LYSMD2: variants seen among roughly 807,000 people sequenced by gnomAD.
LYSMD2 encodes lysM and putative peptidoglycan-binding domain-containing protein 2.
A neutral mutation model predicts 17.7 loss-of-function variants in LYSMD2; 6 were observed. That is an observed-to-expected ratio of 0.34 (90% CI 0.19 to 0.67). LYSMD2 has a LOEUF of 0.67. LYSMD2 is among the 30% of genes least tolerant of loss of function. The pLI is 0.69. For missense variants in LYSMD2, 237 were observed against 286.7 expected (o/e 0.83, Z 1.25); for synonymous variants, 102 against 129.8 (o/e 0.79, Z 1.45).
At chr15:51,725,144 C>T (rs1417887296) in intron 1 of LYSMD2, 23 bp from the exon 2 acceptor site, 2 of 1,457,138 alleles carry the variant, frequency 1.4e-6, no homozygotes, top group Non-Finnish European at 1.9e-6. Flanking sequence ...AAAGGAGACA[C>T]AGAATTACAT....
chr15:51,724,389 G>A lies in LYSMD2; in HGVS notation c.605+401C>T, dbSNP rs192959642. The stretch of plus-strand genomic sequence containing the variant: ...CTATGACACTACTTCTCTTGAAAGT[G>A]TCAGTGAGAGAGACACTTTTATTTT... On this transcript the variant is annotated intron_variant, in intron 2 of 2. Coordinates refer to ENST00000267838, the MANE Select transcript of LYSMD2 (RefSeq NM_153374.3). 2.0e-5 allele frequency among the ~76,000 whole-genome samples: 3 copies of A among 152,316 alleles called. No individual in the cohort carries two copies. In the East Asian group the frequency reaches 5.8e-4, roughly 29 times the overall value.
chr15:51,735,927 C>A (rs1450426228), intron 1 of LYSMD2, among the ~76,000 whole-genome samples: 1 of 152,172 alleles, frequency 6.6e-6, no homozygotes, highest in African/African-American at 2.4e-5. Context: ...AGACTGTCCT[C>A]CTTCAGTAGC....
upstream of LYSMD2, among the ~76,000 whole-genome samples, chr15:51,742,164 A>G (rs1188230602): frequency 6.6e-6 from 1 of 151,790 alleles, no homozygotes; most frequent in African/African-American, 2.4e-5. Context: ...CCTCCCAAGT[A>G]GCTGCACCAA....
At chr15:51,739,683 C>G (rs2055633592), upstream of LYSMD2, among the ~76,000 whole-genome samples, 1 of 152,116 alleles carries the variant, frequency 6.6e-6, no homozygotes, top group Non-Finnish European at 1.5e-5. Flanking sequence ...CATTCCAGCA[C>G]TTTGGGAGTC....
upstream of LYSMD2, among the ~76,000 whole-genome samples, chr15:51,738,737 G>C (rs1157634686): frequency 2.6e-5 from 4 of 152,166 alleles, no homozygotes; most frequent in African/African-American, 9.7e-5. Context: ...GTGCTGGACA[G>C]AGGCAAAGCT....
chr15:51,725,082 C>A lies in LYSMD2; in HGVS notation c.313G>T (p.Asp105Tyr). The A allele has an allele frequency of 6.2e-7, 1 of 1,610,780 alleles. No individual in the cohort carries two copies. The highest frequency in any genetic ancestry group is 1.1e-5 in the South Asian group (1 of 90,824). ...AAAGTTTTCTTCAGAAATATACAAT[C>A]ATTGGTAAACAGTTTATTGGCCCTT... ...IKRANKLFTN[D>Y]CIFLKKTLNI... The change falls in exon 2 of 3, where the codon GAT becomes TAT. Residue 105 changes from aspartate (D) to tyrosine (Y), a missense_variant. Coordinates refer to ENST00000267838, the MANE Select transcript of LYSMD2 (RefSeq NM_153374.3).
At chr15:51,727,990 G>T (rs2055550888) in intron 1 of LYSMD2, among the ~76,000 whole-genome samples, 1 of 152,166 alleles carries the variant, frequency 6.6e-6, no homozygotes, top group African/African-American at 2.4e-5. Flanking sequence ...AGAAGCATGG[G>T]TTCAGGGGCC....
intron 1 of LYSMD2, among the ~76,000 whole-genome samples, chr15:51,748,722 C>T (rs2055681719): frequency 6.6e-6 from 1 of 152,232 alleles, no homozygotes; most frequent in South Asian, 2.1e-4. Context: ...CACTCCTAAA[C>T]TCTTACAGGC....
intron 1 of LYSMD2, among the ~76,000 whole-genome samples, chr15:51,745,717 G>A (rs1340839974): frequency 6.6e-6 from 1 of 152,094 alleles, no homozygotes; most frequent in Non-Finnish European, 1.5e-5. Flanking sequence ...TAAGGCACTT[G>A]TGTCTAGAAC....
rs570013555 is a variant in LYSMD2 at position 51,737,076 on chromosome 15, G to A, written c.273+274C>T. On this transcript the variant is annotated intron_variant, in intron 1 of 2. Coordinates refer to ENST00000267838, the MANE Select transcript of LYSMD2 (RefSeq NM_153374.3). This position sits in a 1 kb window ranked among gnomAD's most constrained non-coding sequence, Gnocchi z 4.2. ...CAGATCTAGTCTGAGCCTGGGCGGGGCACCGGGAACTCGATGCAGCTACCT... is the reference window on the plus strand; with the variant it reads ...CAGATCTAGTCTGAGCCTGGGCGGGACACCGGGAACTCGATGCAGCTACCT... 2.0e-5 allele frequency among the ~76,000 whole-genome samples: 3 copies of A among 152,336 alleles called. No individual in the cohort carries two copies. The highest frequency in any genetic ancestry group is 7.2e-5 in the African/African-American group (3 of 41,588).
At chr15:51,738,318 T>A (rs1487788705), upstream of LYSMD2, among the ~76,000 whole-genome samples, 1 of 152,144 alleles carries the variant, frequency 6.6e-6, no homozygotes, top group Non-Finnish European at 1.5e-5. Context: ...CCCCCCTAGT[T>A]GTTCGGGTTT....
chr15:51,727,188 C>G (rs923516972), intron 1 of LYSMD2, among the ~76,000 whole-genome samples: 1 of 152,192 alleles, frequency 6.6e-6, no homozygotes, highest in Non-Finnish European at 1.5e-5. Context: ...CCACTCTCCC[C>G]TCCCAATCCA....
chr15:51,741,375 A>T (rs2055641885), upstream of LYSMD2, among the ~76,000 whole-genome samples: 1 of 152,248 alleles, frequency 6.6e-6, no homozygotes, highest in Admixed American at 6.5e-5. Flanking sequence ...TTGATTAAAG[A>T]CATAATTGGG....
At position 51,750,304 on chromosome 15, in the gene LYSMD2, A is replaced by AGT. The variant is rs533686866; in HGVS notation, c.-1+965_-1+966dup. ...GAAAGTATTTTCATAAATGCAAACC[A>AGT]GTGTTATCATTTTCAGATGTGGAAT... On this transcript the variant is annotated intron_variant, in intron 1 of 2. Transcript: ENST00000454181. Among the ~76,000 whole-genome samples the AGT allele has an allele frequency of 8.5e-5, 13 of 152,368 alleles. No homozygotes were observed. In the East Asian group the frequency reaches 2.5e-3, roughly 29 times the overall value.
At chr15:51,737,697 G>T, upstream of LYSMD2, 1 of 1,065,506 alleles carries the variant, frequency 9.4e-7, no homozygotes, top group Non-Finnish European at 1.2e-6. This position sits in a 1 kb window ranked among gnomAD's most constrained non-coding sequence, Gnocchi z 4.2. Context: ...CGCCGCCGCC[G>T]CCTCTTCCTC....
At chr15:51,749,580 G>A (rs182277914) in intron 1 of LYSMD2, among the ~76,000 whole-genome samples, 84 of 152,274 alleles carry the variant, frequency 5.5e-4, no homozygotes, top group African/African-American at 2.0e-3. Flanking sequence ...GCAGAACCAC[G>A]GGAAACCAAA....
intron 1 of LYSMD2, among the ~76,000 whole-genome samples, chr15:51,743,070 T>C (rs569006642): frequency 5.9e-5 from 9 of 152,234 alleles, no homozygotes; most frequent in South Asian, 2.1e-4. Flanking sequence ...ACCTAGATAT[T>C]CTATGTTATT....
intron 2 of LYSMD2, among the ~76,000 whole-genome samples, chr15:51,724,274 CAT>C (rs1326428429): frequency 6.6e-6 from 1 of 152,134 alleles, no homozygotes; most frequent in African/African-American, 2.4e-5. Context: ...AAAAAGTTCA[CAT>C]GAGATCTTAT....
chr15:51,733,773 T>C (rs1259941979), intron 1 of LYSMD2, among the ~76,000 whole-genome samples: 1 of 152,182 alleles, frequency 6.6e-6, no homozygotes, highest in East Asian at 1.9e-4. Flanking sequence ...GCAGGTCACA[T>C]GCCCATGAAG....
Sources: gnomAD v4.1 joint callset for allele counts (sites outside exome capture counted in the v4.1 genomes callset) on GRCh38, gnomAD v4.1.1 for gene constraint, Gnocchi (gnomAD v3.1) non-coding constraint, MANE v1.5 for transcripts, NCBI Gene and HGNC (gene_info 2026-07-23, HGNC 2026-07-21) for gene names.